ST18: variants seen among roughly 807,000 people sequenced by gnomAD.
The protein encoded by ST18 is ST18 C2H2C-type zinc finger transcription factor.
A neutral mutation model predicts 110.0 loss-of-function variants in ST18; 50 were observed. That is an observed-to-expected ratio of 0.45 (90% CI 0.36 to 0.58). ST18 has a LOEUF of 0.58. Among genes scored for constraint, ST18 ranks in the 20% least tolerant of loss-of-function variants. ST18 has a pLI of 0.00. For missense variants in ST18, 1,306 were observed against 1,280.1 expected (o/e 1.02, Z -0.31); for synonymous variants, 461 against 452.4 (o/e 1.02, Z -0.24).
At chr8:52,380,167 A>G (rs747212656) in intron 2 of ST18, among the ~76,000 whole-genome samples, 1 of 152,206 alleles carries the variant, frequency 6.6e-6, no homozygotes, top group Non-Finnish European at 1.5e-5. Context: ...TTTGATATGG[A>G]CAGTAAATTG....
intron 2 of ST18, among the ~76,000 whole-genome samples, chr8:52,345,040 C>G (rs544206974): frequency 6.6e-6 from 1 of 152,072 alleles, no homozygotes; most frequent in Non-Finnish European, 1.5e-5. Context: ...TTGGCTGATA[C>G]GTTAGGCTTT....
intron 2 of ST18, among the ~76,000 whole-genome samples, chr8:52,386,604 C>A (rs1836882802): frequency 6.6e-6 from 1 of 152,118 alleles, no homozygotes; most frequent in Admixed American, 6.5e-5. Flanking sequence ...TTACGCAACC[C>A]AAGCCATCTC....
At chr8:52,386,598 G>A (rs1477136679) in intron 2 of ST18, among the ~76,000 whole-genome samples, 3 of 152,056 alleles carry the variant, frequency 2.0e-5, no homozygotes, top group African/African-American at 7.2e-5. Context: ...GATGTCTTAC[G>A]CAACCCAAGC....
chr8:52,387,583 A>G (rs1564633762), intron 2 of ST18, among the ~76,000 whole-genome samples: 1 of 152,170 alleles, frequency 6.6e-6, no homozygotes, highest in Admixed American at 6.5e-5. Context: ...GCTTCTTCAC[A>G]AAATAGAAAT....
chr8:52,245,775 G>A (rs892380990), intron 2 of ST18, among the ~76,000 whole-genome samples: 1 of 152,046 alleles, frequency 6.6e-6, no homozygotes, highest in Non-Finnish European at 1.5e-5. Context: ...TAGTTGCACT[G>A]TATAAATCAA....
At chr8:52,208,814 C>T (rs912603156) in intron 8 of ST18, among the ~76,000 whole-genome samples, 4 of 142,416 alleles carry the variant, frequency 2.8e-5, no homozygotes, top group Admixed American at 1.4e-4. Context: ...TGAGGCTTCG[C>T]CAAAATAAAT....
Position 52,202,075 on chromosome 8 carries a change from T to C in ST18, c.86+10004A>G, listed in dbSNP as rs548215229. 6.6e-4 allele frequency among the ~76,000 whole-genome samples: 100 copies of C among 152,296 alleles called. 3 individuals are homozygous for C. In the South Asian group the frequency reaches 0.021, roughly 31 times the overall value. ...TGGTTTTAAAGGGGCCAGAACTAGA[T>C]TGTTATGCGGGTAGGGCTCAGGTGT... On this transcript the variant is annotated intron_variant, in intron 8 of 25. Coordinates refer to ENST00000689386, the MANE Select transcript of ST18 (RefSeq NM_001352837.2).
At chr8:52,344,488 C>T (rs1466202739) in intron 2 of ST18, among the ~76,000 whole-genome samples, 1 of 152,026 alleles carries the variant, frequency 6.6e-6, no homozygotes, top group East Asian at 1.9e-4. Context: ...GCAACCTCCA[C>T]CTCCCGGGTT....
intron 2 of ST18, among the ~76,000 whole-genome samples, chr8:52,256,362 GTTTT>G (rs1289595743): frequency 1.3e-5 from 2 of 152,148 alleles, no homozygotes. Context: ...GTCCAATCTG[GTTTT>G]TTGTTTGTTT....
At chr8:52,181,089 C>T (rs2069307452) in intron 8 of ST18, among the ~76,000 whole-genome samples, 1 of 152,208 alleles carries the variant, frequency 6.6e-6, no homozygotes. Flanking sequence ...TAATGCAGAT[C>T]ACTCTATGTG....
chr8:52,178,632 A>AAC (rs2067932641), intron 9 of ST18, among the ~76,000 whole-genome samples: 1 of 130,494 alleles, frequency 7.7e-6, no homozygotes, highest in Non-Finnish European at 1.5e-5. Context: ...AAAAAAAAAA[A>AAC]AAAAAAAAAA....
chr8:52,158,769 G>A, intron 15 of ST18, 129 bp downstream of exon 15: 1 of 1,080,070 alleles, frequency 9.3e-7, no homozygotes, highest in Non-Finnish European at 1.4e-6. Flanking sequence ...GCCTCTTCCT[G>A]AGACAGGGAG....
At chr8:52,261,686 C>T (rs781521556) in intron 2 of ST18, among the ~76,000 whole-genome samples, 1 of 152,138 alleles carries the variant, frequency 6.6e-6, no homozygotes, top group African/African-American at 2.4e-5. Flanking sequence ...CCCACAGCTC[C>T]CCACATCCCT....
At chr8:52,291,029 C>A (rs922750352) in intron 2 of ST18, among the ~76,000 whole-genome samples, 4 of 152,168 alleles carry the variant, frequency 2.6e-5, no homozygotes, top group African/African-American at 9.7e-5. Context: ...CGCAGTCACC[C>A]CACGTCACTG....
In ST18 at chr8:52,126,033, G is replaced by A; in HGVS notation, c.2755+19C>T. 1.9e-6 allele frequency: 3 copies of A among 1,612,084 alleles called. No homozygotes were observed. Among genetic ancestry groups the A allele is most frequent in the Non-Finnish European group, 2.5e-6 (3 of 1,178,392 alleles). ...CTACACCCTGCAGGAGGTGGTGACA[G>A]CCAGCCCTGTGCTCTTACCCCCAGT... is the stretch of plus-strand genomic sequence containing the variant. On this transcript the variant is annotated intron_variant, in intron 23 of 25. Transcript: ENST00000689386.
In ST18 at chr8:52,172,173, G is replaced by C. The variant is rs532314576; in HGVS notation, c.688C>G (p.Leu230Val). ...GTTTTTATTTCAGGAACTTCCAATA[G>C]GTCTTTTTTATGATCTGTTAAAACA... Reference protein sequence around the residue: ...KYVLTDHKKDLLEVPEIKTEG... With the variant: ...KYVLTDHKKDVLEVPEIKTEG... The change falls in exon 10 of 26, where the codon CTA (leucine) becomes GTA (valine). Residue 230 changes from leucine to valine, a missense_variant. Coordinates refer to ENST00000689386, the MANE Select transcript of ST18 (RefSeq NM_001352837.2). 109 of 1,614,136 alleles carry C rather than the reference G, an allele frequency of 6.8e-5. 1 individual carries two copies. The South Asian group carries it at 1.1e-3, about 17-fold the overall frequency.
intron 2 of ST18, among the ~76,000 whole-genome samples, chr8:52,391,354 C>T (rs186143310): frequency 3.3e-5 from 5 of 152,112 alleles, no homozygotes; most frequent in South Asian, 2.1e-4. Context: ...GACAGGCCAG[C>T]GAGGGTGCAG....
At chr8:52,189,468 C>T (rs999988684) in intron 8 of ST18, among the ~76,000 whole-genome samples, 2 of 152,156 alleles carry the variant, frequency 1.3e-5, no homozygotes, top group Admixed American at 6.5e-5. Context: ...GGATAGATAC[C>T]TTCCATAGGC....
chr8:52,297,727 A>G (rs2095656686), intron 2 of ST18, among the ~76,000 whole-genome samples: 1 of 152,242 alleles, frequency 6.6e-6, no homozygotes, highest in Non-Finnish European at 1.5e-5. Flanking sequence ...TCCCAGATTA[A>G]AAAACATATT....
Sources: allele counts gnomAD v4.1 joint callset (sites outside exome capture counted in the v4.1 genomes callset), GRCh38; gene constraint gnomAD v4.1.1; transcripts MANE v1.5; gene names NCBI Gene and HGNC (gene_info 2026-07-23, HGNC 2026-07-21).